Variants in TUSC3 observed in about 807,000 individuals in gnomAD.
TUSC3 encodes tumor suppressor candidate 3.
In TUSC3, 45 loss-of-function variants were observed where a neutral mutation model predicts 44.8. The observed-to-expected ratio is 1.00, with a 90% CI of 0.79 to 1.29. The LOEUF (loss-of-function observed/expected upper bound fraction) is 1.29, where lower values mean the gene tolerates loss of function less well. TUSC3 is among the 50% of genes most tolerant of loss of function. The pLI, the probability that TUSC3 is intolerant of heterozygous loss-of-function variation, is 0.00. For synonymous variants in TUSC3, 212 were observed against 152.9 expected (o/e 1.39, Z -2.85); for missense variants, 519 against 437.9 (o/e 1.19, Z -1.65).
At chr8:15,511,193 C>T (rs1055167496) in intron 2 of TUSC3, among the ~76,000 whole-genome samples, 1 of 151,880 alleles carries the variant, frequency 6.6e-6, no homozygotes, top group Non-Finnish European at 1.5e-5. Context: ...AAGGTTCACT[C>T]TTACTACTCC....
At chr8:15,619,044 T>C (rs1338831342) in intron 1 of TUSC3, among the ~76,000 whole-genome samples, 5 of 152,206 alleles carry the variant, frequency 3.3e-5, no homozygotes, top group African/African-American at 7.2e-5. Context: ...CATTACCTTA[T>C]ATGCTGTGTT....
At chr8:15,451,876 A>G (rs1486326916) in intron 1 of TUSC3, among the ~76,000 whole-genome samples, 1 of 152,170 alleles carries the variant, frequency 6.6e-6, no homozygotes, top group Non-Finnish European at 1.5e-5. Flanking sequence ...AAATCCCCAC[A>G]CATTTTGGTG....
intron 3 of TUSC3, 85 bp downstream of exon 3, chr8:15,650,899 TTCA>T: frequency 7.1e-7 from 1 of 1,414,340 alleles, no homozygotes; most frequent in Non-Finnish European, 9.9e-7. Context: ...ATACAATTCA[TTCA>T]TCGTCTGAAC....
At chr8:15,830,744 A>G in the TUSC3 span, among the ~76,000 whole-genome samples, 1 of 152,116 alleles carries the variant, frequency 6.6e-6, no homozygotes, top group Non-Finnish European at 1.5e-5. Flanking sequence ...ATAATACACA[A>G]GGGGGACTCC....
At chr8:15,628,542 T>C (rs888160307) in intron 2 of TUSC3, among the ~76,000 whole-genome samples, 5 of 152,080 alleles carry the variant, frequency 3.3e-5, no homozygotes, top group Non-Finnish European at 7.4e-5. Flanking sequence ...AATGGGTCAG[T>C]GTCGGGGTAG....
At chr8:15,561,992 C>T (rs1585103162) in intron 1 of TUSC3, among the ~76,000 whole-genome samples, 1 of 152,310 alleles carries the variant, frequency 6.6e-6, no homozygotes, top group South Asian at 2.1e-4. Context: ...GAGCTGTAGA[C>T]AGGAGCTGTT....
chr8:15,551,065 A>T (rs952251665), intron 1 of TUSC3, among the ~76,000 whole-genome samples: 1 of 151,768 alleles, frequency 6.6e-6, no homozygotes, highest in African/African-American at 2.4e-5. Context: ...AAGTCACTTA[A>T]CCGTTTGGAG....
At chr8:15,806,508 G>T in the TUSC3 span, 3 of 1,112,694 alleles carry the variant, frequency 2.7e-6, no homozygotes, top group Non-Finnish European at 4.1e-6. Flanking sequence ...ACTTTCTCAG[G>T]GTCATCAGTG....
chr8:15,799,942 CAA>C, the TUSC3 span, among the ~76,000 whole-genome samples: 1 of 152,166 alleles, frequency 6.6e-6, no homozygotes, highest in Non-Finnish European at 1.5e-5. Flanking sequence ...CAGGGCAACA[CAA>C]AGAGGGTCAG....
intron 7 of TUSC3, chr8:15,733,480 G>C (rs889430089): frequency 6.1e-6 from 2 of 329,376 alleles, no homozygotes; most frequent in African/African-American, 4.5e-5. Flanking sequence ...GCTGTGTTGA[G>C]ATCATCCTTT....
chr8:15,628,363 A>C (rs935260710), intron 2 of TUSC3, among the ~76,000 whole-genome samples: 6 of 152,194 alleles, frequency 3.9e-5, no homozygotes, highest in African/African-American at 1.4e-4. Flanking sequence ...TTTGGTGTTA[A>C]ATCATTTGTT....
At chr8:15,504,798 G>T (rs1275686253) in intron 2 of TUSC3, among the ~76,000 whole-genome samples, 2 of 150,000 alleles carry the variant, frequency 1.3e-5, no homozygotes, top group South Asian at 4.2e-4. Context: ...AACTACAGGT[G>T]CCTGCCACCA....
chr8:15,545,084 A>C (rs1342941889), intron 1 of TUSC3, among the ~76,000 whole-genome samples: 1 of 151,810 alleles, frequency 6.6e-6, no homozygotes, highest in East Asian at 1.9e-4. Flanking sequence ...GTTATATTTT[A>C]AAACAAGGAA....
chr8:15,434,870 A>C (rs926039854), intron 1 of TUSC3, among the ~76,000 whole-genome samples: 9 of 151,956 alleles, frequency 5.9e-5, no homozygotes, highest in African/African-American at 1.9e-4. Context: ...TGAACTCATC[A>C]TTTTTTATGG....
intron 1 of TUSC3, among the ~76,000 whole-genome samples, chr8:15,621,021 TAATGAGAAAAGCATAA>T (rs1805219954): frequency 6.6e-6 from 1 of 151,986 alleles, no homozygotes; most frequent in African/African-American, 2.4e-5. Flanking sequence ...TGCATGTGTG[TAATGAGAAAAGCATAA>T]AATACTGAGG....
At position 15,766,563 on chromosome 8, in the gene TUSC3, G is replaced by A. The variant is rs888651565; in HGVS notation, c.*2407G>A. 6.6e-6 allele frequency: 1 copy of A among 152,082 alleles called. No individual in the cohort carries two copies. The highest frequency in any genetic ancestry group is 1.5e-5 in the Non-Finnish European group (1 of 67,988). The allele number at this position is 152,082 out of a possible 1,614,324, so 9.4% of individuals were successfully genotyped here. On this transcript the variant is annotated 3_prime_UTR_variant, in exon 11 of 11. Transcript: ENST00000503731. ...ATTCCACCTAAAGGAGTTTCATTTT[G>A]TAATAACATCTGATTAATAACTTGT...
At chr8:15,682,811 C>CTTTT (rs3988415) in intron 6 of TUSC3, among the ~76,000 whole-genome samples, 2 of 129,782 alleles carry the variant, frequency 1.5e-5, no homozygotes, top group Non-Finnish European at 1.6e-5. Flanking sequence ...CTAGAACTTT[C>CTTTT]TTTTTTTTTT....
intron 3 of TUSC3, among the ~76,000 whole-genome samples, chr8:15,651,487 A>G (rs1563154689): frequency 6.6e-6 from 1 of 152,212 alleles, no homozygotes; most frequent in South Asian, 2.1e-4. Flanking sequence ...TGAAGGAAGT[A>G]ATTAAGGTTA....
intron 1 of TUSC3, among the ~76,000 whole-genome samples, chr8:15,585,642 C>T (rs1242664405): frequency 6.6e-6 from 1 of 152,084 alleles, no homozygotes; most frequent in Admixed American, 6.5e-5. Flanking sequence ...TCAATCACTC[C>T]CTATTGGTTT....
Sources: gnomAD v4.1 joint callset for allele counts (sites outside exome capture counted in the v4.1 genomes callset) on GRCh38, gnomAD v4.1.1 for gene constraint, MANE v1.5 for transcripts, NCBI Gene and HGNC (gene_info 2026-07-23, HGNC 2026-07-21) for gene names.